RNF157: variants seen among roughly 807,000 people sequenced by gnomAD.
The protein encoded by RNF157 is E3 ubiquitin ligase RNF157.
In RNF157, 55 loss-of-function variants were observed where a neutral mutation model predicts 88.3. The observed-to-expected ratio is 0.62, with a 90% confidence interval of 0.50 to 0.78. RNF157 has a LOEUF of 0.78. Among genes scored for constraint, RNF157 ranks in the 30% least tolerant of loss-of-function variants. The pLI is 0.00. For synonymous variants in RNF157, 334 were observed against 341.2 expected (o/e 0.98, Z 0.23); for missense variants, 788 against 860.8 (o/e 0.92, Z 1.06).
chr17:76,172,747 T>C (rs1390179156), intron 3 of RNF157, among the ~76,000 whole-genome samples: 1 of 151,950 alleles, frequency 6.6e-6, no homozygotes, highest in Non-Finnish European at 1.5e-5. Context: ...TCCTTGCCTA[T>C]TCAGAAAAAT....
At chr17:76,200,908 C>T (rs1000579734) in intron 2 of RNF157, among the ~76,000 whole-genome samples, 1 of 152,084 alleles carries the variant, frequency 6.6e-6, no homozygotes, top group Non-Finnish European at 1.5e-5. Flanking sequence ...GACTCTCCTC[C>T]TCCCCATGCT....
chr17:76,227,738 G>A (rs562796459), intron 1 of RNF157, among the ~76,000 whole-genome samples: 4 of 152,122 alleles, frequency 2.6e-5, no homozygotes, highest in South Asian at 2.1e-4. Context: ...TTAGCCGGGC[G>A]TGGTGATGCA....
chr17:76,183,978 C>T (rs866850854), intron 2 of RNF157, among the ~76,000 whole-genome samples: 11 of 152,018 alleles, frequency 7.2e-5, no homozygotes, highest in Middle Eastern at 3.4e-3. Context: ...TTGGTTGAGG[C>T]CAGGAGTTTG....
intron 2 of RNF157, among the ~76,000 whole-genome samples, chr17:76,208,833 G>T (rs2069726163): frequency 6.6e-6 from 1 of 152,076 alleles, no homozygotes; most frequent in South Asian, 2.1e-4. Context: ...AATTAGCCAG[G>T]TGTGGTGGCA....
chr17:76,212,845 A>G (rs1239234764), intron 1 of RNF157, among the ~76,000 whole-genome samples: 1 of 152,222 alleles, frequency 6.6e-6, no homozygotes, highest in Non-Finnish European at 1.5e-5. Flanking sequence ...TGGGCGACAG[A>G]GTGAGACTCT....
intron 11 of RNF157, among the ~76,000 whole-genome samples, chr17:76,159,792 C>A (rs1414167772): frequency 6.6e-6 from 1 of 151,368 alleles, no homozygotes; most frequent in Admixed American, 6.6e-5. Context: ...TATTTTTTTT[C>A]TGATTATAAT....
intron 1 of RNF157, among the ~76,000 whole-genome samples, chr17:76,224,054 C>T (rs1173348912): frequency 1.3e-5 from 2 of 152,158 alleles, no homozygotes; most frequent in Non-Finnish European, 2.9e-5. Flanking sequence ...GCAAAGGGAA[C>T]TTGCATTACA....
intron 1 of RNF157, among the ~76,000 whole-genome samples, chr17:76,223,688 T>C (rs540978820): frequency 6.6e-6 from 1 of 152,196 alleles, no homozygotes; most frequent in Non-Finnish European, 1.5e-5. Flanking sequence ...TTAAATATTG[T>C]GTTTTACATA....
In RNF157 at chr17:76,154,358, A is replaced by G. The variant is rs780639601; in HGVS notation, c.1765-30T>C. The G allele has an allele frequency of 9.8e-6, 15 of 1,535,222 alleles. No individual in the cohort carries two copies. In the East Asian group the frequency reaches 1.6e-4, roughly 16 times the overall value. ...GACAGAAGGAAGGCCCTGTGAGTCTATGAAGCGGCAAAATGAGTAAACTGA... is the reference window on the plus strand; with the variant it reads ...GACAGAAGGAAGGCCCTGTGAGTCTGTGAAGCGGCAAAATGAGTAAACTGA... On this transcript the variant is annotated intron_variant, in intron 16 of 18. Transcript: ENST00000269391.
rs114848399 is a variant in RNF157 at position 76,233,895 on chromosome 17, T to C, written c.88+6258A>G. On this transcript the variant is annotated intron_variant, in intron 1 of 18. Coordinates refer to ENST00000269391, the MANE Select transcript of RNF157 (RefSeq NM_052916.3). Reference sequence around the variant, plus strand: ...TACCACAGAATTCACCTATTTAGTGTGTACAATCCAATGGTTTTTAGTATA... The same window carrying C: ...TACCACAGAATTCACCTATTTAGTGCGTACAATCCAATGGTTTTTAGTATA... Among the ~76,000 whole-genome samples the C allele has an allele frequency of 4.8e-3, 731 of 152,330 alleles. 6 individuals are homozygous for C. Among genetic ancestry groups the C allele is most frequent in the African/African-American group, 0.017 (689 of 41,560 alleles).
At chr17:76,227,600 C>A (rs112217628) in intron 1 of RNF157, among the ~76,000 whole-genome samples, 1 of 151,620 alleles carries the variant, frequency 6.6e-6, no homozygotes, top group Non-Finnish European at 1.5e-5. Context: ...GGTAGTGGCC[C>A]GGCATGGTGG....
At chr17:76,162,720 C>A in intron 8 of RNF157, 97 bp from the exon 9 acceptor site, 1 of 742,876 alleles carries the variant, frequency 1.3e-6, no homozygotes, top group Non-Finnish European at 2.1e-6. Context: ...TAACCAAGGA[C>A]TACCGATTCA....
At chr17:76,191,396 AG>A (rs951423192) in intron 2 of RNF157, among the ~76,000 whole-genome samples, 4 of 152,016 alleles carry the variant, frequency 2.6e-5, no homozygotes, top group African/African-American at 9.7e-5. Flanking sequence ...GAGGATCATG[AG>A]GTCAGGAGTT....
chr17:76,178,835 T>C (rs2069145431), intron 2 of RNF157, among the ~76,000 whole-genome samples: 2 of 152,146 alleles, frequency 1.3e-5, no homozygotes, highest in South Asian at 2.1e-4. Context: ...CTTTTTTTTT[T>C]CCAGTAACTA....
At chr17:76,158,315 G>A (rs1482096483) in intron 13 of RNF157, 78 bp downstream of exon 13, 3 of 927,148 alleles carry the variant, frequency 3.2e-6, no homozygotes, top group Non-Finnish European at 5.3e-6. Context: ...TGAGAGCAGA[G>A]GGACCTGATG....
At position 76,161,969 on chromosome 17, in the gene RNF157, C is replaced by G; in HGVS notation, c.826G>C (p.Glu276Gln). The change falls in exon 10 of 19, where the codon GAG becomes CAG. Residue 276 changes from glutamate (E) to glutamine (Q), a missense_variant. By Grantham distance (29) the Glu-to-Gln change is conservative. Coordinates refer to ENST00000269391, the MANE Select transcript of RNF157 (RefSeq NM_052916.3). The surrounding 1 kb of genome is among the most constrained non-coding windows in gnomAD (Gnocchi z 4.6). The part of the protein sequence containing the change: ...AEDEVSDNSA[E>Q]CVVCLSDVRD... Reference sequence around the variant, plus strand: ...ACATCCGAGAGACACACCACACACTCGGCACTGTTATCACTCACTTCGTCT... The same window carrying G: ...ACATCCGAGAGACACACCACACACTGGGCACTGTTATCACTCACTTCGTCT... 1 of 1,614,152 alleles carries G rather than the reference C, an allele frequency of 6.2e-7. No homozygotes were observed. The highest frequency in any genetic ancestry group is 8.5e-7 in the Non-Finnish European group (1 of 1,180,030).
rs551844341 is a variant in RNF157 at position 76,233,412 on chromosome 17, T to C, written c.88+6741A>G. Among the ~76,000 whole-genome samples, 128 of 152,370 alleles carry C rather than the reference T, an allele frequency of 8.4e-4. 1 individual carries two copies. The highest frequency in any genetic ancestry group is 2.7e-3 in the South Asian group (13 of 4,826). ...AGAAATCCAATTTATTATTATTTTTTACTTGTATGGATTTTGCTTTTGGTG... is the reference window on the plus strand; with the variant it reads ...AGAAATCCAATTTATTATTATTTTTCACTTGTATGGATTTTGCTTTTGGTG... On this transcript the variant is annotated intron_variant, in intron 1 of 18. Transcript: ENST00000269391.
chr17:76,226,522 G>A (rs2145063653), intron 1 of RNF157: 1 of 1,613,384 alleles, frequency 6.2e-7, no homozygotes, highest in African/African-American at 1.3e-5. Flanking sequence ...GGGCACCAAA[G>A]TCGAACTCCT....
intron 1 of RNF157, among the ~76,000 whole-genome samples, chr17:76,214,364 C>T (rs1246916783): frequency 6.6e-6 from 1 of 152,064 alleles, no homozygotes; most frequent in African/African-American, 2.4e-5. Flanking sequence ...AGTTTTTTTC[C>T]TATATCCGCA....
Sources: allele counts gnomAD v4.1 joint callset (sites outside exome capture counted in the v4.1 genomes callset), GRCh38; gene constraint gnomAD v4.1.1; non-coding constraint Gnocchi (gnomAD v3.1); transcripts MANE v1.5; gene names NCBI Gene and HGNC (gene_info 2026-07-23, HGNC 2026-07-21).